NUP205: variants seen among roughly 807,000 people sequenced by gnomAD.
The protein encoded by NUP205 is nucleoporin 205.
In NUP205, 76 loss-of-function variants were observed where a neutral mutation model predicts 253.8. The observed-to-expected ratio is 0.30, with a 90% CI of 0.25 to 0.36. The LOEUF (loss-of-function observed/expected upper bound fraction) is 0.36. Among genes scored for constraint, NUP205 ranks in the 10% least tolerant of loss-of-function variants. The pLI is 1.00. For synonymous variants in NUP205, 832 were observed against 850.1 expected (o/e 0.98, Z 0.37); for missense variants, 2,162 against 2,425.5 (o/e 0.89, Z 2.28).
At chr7:135,596,839 C>T (rs1793845946) in intron 13 of NUP205, among the ~76,000 whole-genome samples, 1 of 151,718 alleles carries the variant, frequency 6.6e-6, no homozygotes, top group African/African-American at 2.4e-5. Flanking sequence ...CGTCTGTAAT[C>T]CCAGCTACTC....
At chr7:135,626,602 T>C (rs1164526865) in intron 33 of NUP205, among the ~76,000 whole-genome samples, 2 of 152,226 alleles carry the variant, frequency 1.3e-5, no homozygotes, top group East Asian at 3.8e-4. Flanking sequence ...TTATGTTCAA[T>C]TGAAATACTT....
intron 34 of NUP205, among the ~76,000 whole-genome samples, chr7:135,629,590 G>A (rs1377011579): frequency 6.7e-6 from 1 of 149,154 alleles, no homozygotes; most frequent in Admixed American, 6.7e-5. Context: ...GCAGTGGCAC[G>A]ATTCCAGCTC....
At chr7:135,639,671 A>G (rs1373421811) in intron 38 of NUP205, among the ~76,000 whole-genome samples, 1 of 151,374 alleles carries the variant, frequency 6.6e-6, no homozygotes, top group East Asian at 1.9e-4. Context: ...AGCCTGGGCT[A>G]CAGAGTGAGA....
At chr7:135,641,333 T>G (rs1468719241) in intron 38 of NUP205, among the ~76,000 whole-genome samples, 1 of 152,246 alleles carries the variant, frequency 6.6e-6, no homozygotes, top group African/African-American at 2.4e-5. Flanking sequence ...GAAGGCTCTC[T>G]ATAACAATGT....
At chr7:135,558,200 G>A (rs1227445155) in intron 1 of NUP205, 4 of 583,410 alleles carry the variant, frequency 6.9e-6, no homozygotes, top group Non-Finnish European at 9.3e-6. Flanking sequence ...GTGAGGCTTG[G>A]GCCGCTGGAC....
chr7:135,630,280 C>A, intron 34 of NUP205, 64 bp from the exon 35 acceptor site: 1 of 1,197,768 alleles, frequency 8.3e-7, no homozygotes, highest in South Asian at 1.6e-5. Context: ...ATGAATTATG[C>A]ATTTATATAT....
rs560449472 is a variant in NUP205, at chr7:135,570,839, T to A, written c.29-266T>A. ...TTATATTAATATATAAATTATATATTATATATTACATATATTATATATAAA... is the reference window on the plus strand; with the variant it reads ...TTATATTAATATATAAATTATATATAATATATTACATATATTATATATAAA... On this transcript the variant is annotated intron_variant, in intron 1 of 42. Transcript: ENST00000285968. Among the ~76,000 whole-genome samples the A allele has an allele frequency of 0.04, 2,480 of 61,502 alleles. 110 individuals are homozygous for A. Among genetic ancestry groups the A allele is most frequent in the South Asian group, 0.12 (273 of 2,306 alleles). The allele number at this position is 61,502 out of a possible 152,430, so 40.3% of individuals were successfully genotyped here.
At chr7:135,567,124 GTGTGTATATATATATATA>G (rs1446318275) in intron 1 of NUP205, among the ~76,000 whole-genome samples, 1,146 of 24,222 alleles carry the variant, frequency 0.047, 85 homozygotes, top group Non-Finnish European at 0.054. Flanking sequence ...CTCAGTCTAT[GTGTGTATATATATATATA>G]TATATATATA....
chr7:135,620,405 C>T (rs1410174846), intron 30 of NUP205, among the ~76,000 whole-genome samples: 1 of 152,156 alleles, frequency 6.6e-6, no homozygotes, highest in Non-Finnish European at 1.5e-5. Context: ...TGGTGGCAGG[C>T]ATCTGTAATC....
At chr7:135,599,469 A>C (rs1168571922) in intron 15 of NUP205, among the ~76,000 whole-genome samples, 5 of 152,242 alleles carry the variant, frequency 3.3e-5, no homozygotes, top group Non-Finnish European at 7.3e-5. Context: ...CCTGATGGGA[A>C]GAAAACAATA....
chr7:135,561,528 G>A (rs1805579749), intron 1 of NUP205, among the ~76,000 whole-genome samples: 1 of 152,158 alleles, frequency 6.6e-6, no homozygotes, highest in Non-Finnish European at 1.5e-5. Context: ...TCACAGCAGT[G>A]ACTACTTCAG....
At chr7:135,559,813 T>C (rs1177605362) in intron 1 of NUP205, among the ~76,000 whole-genome samples, 1 of 151,546 alleles carries the variant, frequency 6.6e-6, no homozygotes, top group East Asian at 2.0e-4. Flanking sequence ...TGCCTCAGCC[T>C]CTGAAGTAAC....
Position 135,630,378 on chromosome 7 carries a change from T to C in NUP205, c.4967T>C (p.Ile1656Thr). 2 of 1,606,310 alleles carry C rather than the reference T, an allele frequency of 1.2e-6. No individual in the cohort carries two copies. The highest frequency in any genetic ancestry group is 1.7e-6 in the Non-Finnish European group (2 of 1,176,190). Residue 1656 changes from isoleucine (I) to threonine (T), a missense_variant, in exon 35 of 43, where the codon ATA becomes ACA. By Grantham distance (89) the Ile-to-Thr change is moderately conservative. Transcript: ENST00000285968. ...LQFLISHSDT[I>T]QAILRCQDVS... ...TTTCTTATTTCACATTCTGATACCATACAAGCAATTCTGCGCTGTCAGGAT... is the reference window on the plus strand; with the variant it reads ...TTTCTTATTTCACATTCTGATACCACACAAGCAATTCTGCGCTGTCAGGAT...
intron 7 of NUP205, among the ~76,000 whole-genome samples, chr7:135,581,511 C>G (rs896256258): frequency 2.0e-5 from 3 of 151,970 alleles, no homozygotes; most frequent in African/African-American, 7.3e-5. Context: ...CTCCACTGCA[C>G]TCCAGCCTGG....
intron 35 of NUP205, 75 bp downstream of exon 35, chr7:135,630,545 G>T (rs770150415): frequency 5.7e-6 from 8 of 1,391,882 alleles, no homozygotes; most frequent in Non-Finnish European, 7.7e-6. Flanking sequence ...GAGTTTTTTT[G>T]TTACTTTGCA....
Position 135,643,373 on chromosome 7 carries a change from A to C in NUP205, c.5559+15A>C. On this transcript the variant is annotated intron_variant, in intron 39 of 42. Coordinates refer to ENST00000285968, the MANE Select transcript of NUP205 (RefSeq NM_015135.3). ...AGATAAAAGAGGTACGAATCTTATA[A>C]TGAGCTGGGGGGACTTGAGAAATCA... 1 of 1,609,926 alleles carries C rather than the reference A, an allele frequency of 6.2e-7. No homozygotes were observed. The highest frequency in any genetic ancestry group is 8.5e-7 in the Non-Finnish European group (1 of 1,177,166).
intron 6 of NUP205, 123 bp downstream of exon 6, chr7:135,578,147 C>T (rs2129489867): frequency 4.8e-6 from 3 of 627,640 alleles, no homozygotes; most frequent in Admixed American, 2.9e-5. Flanking sequence ...GTTTGCAGTC[C>T]GTTCATATTT....
intron 1 of NUP205, among the ~76,000 whole-genome samples, chr7:135,562,563 T>TTC (rs1805617210): frequency 6.7e-6 from 1 of 149,016 alleles, no homozygotes; most frequent in Admixed American, 6.7e-5. Context: ...TTTTTTTTTT[T>TTC]TTTGAGACAG....
chr7:135,631,354 T>A (rs1794710729), intron 35 of NUP205, among the ~76,000 whole-genome samples: 2 of 152,230 alleles, frequency 1.3e-5, no homozygotes, highest in African/African-American at 4.8e-5. Flanking sequence ...GTTTCTTTAC[T>A]ACTAGAGTAT....
Sources: gnomAD v4.1 joint callset for allele counts (sites outside exome capture counted in the v4.1 genomes callset) on GRCh38, gnomAD v4.1.1 for gene constraint, MANE v1.5 for transcripts, NCBI Gene and HGNC (gene_info 2026-07-23, HGNC 2026-07-21) for gene names.